The following GATM variants were observed in gnomAD, a reference collection of about 807,000 sequenced individuals.
GATM encodes the protein glycine amidinotransferase, also known as glycine amidinotransferase, mitochondrial.
GATM carries 23 observed loss-of-function variants against 54.2 expected under a neutral mutation model. The observed-to-expected ratio is 0.42, with a 90% CI of 0.31 to 0.60. The LOEUF is 0.60. GATM is among the 20% of genes least tolerant of loss of function. The pLI, the probability that GATM is intolerant of heterozygous loss-of-function variation, is 0.14. For missense variants in GATM, 401 were observed against 544.9 expected (o/e 0.74, Z 2.63); for synonymous variants, 168 against 183.1 (o/e 0.92, Z 0.67).
At chr15:45,376,089 T>G (rs778738384) in intron 2 of GATM, among the ~76,000 whole-genome samples, 32 of 152,162 alleles carry the variant, frequency 2.1e-4, no homozygotes, top group Non-Finnish European at 4.3e-4. Context: ...TAAATAGGAA[T>G]GCCAATAATT....
upstream of GATM, among the ~76,000 whole-genome samples, chr15:45,382,507 C>T (rs1007441175): frequency 3.9e-5 from 6 of 152,166 alleles, no homozygotes; most frequent in African/African-American, 1.4e-4. Flanking sequence ...ACTAAAAATA[C>T]AAAAATTAGC....
At chr15:45,397,231 G>A (rs1393655886) in intron 2 of GATM, 2 of 151,966 alleles carry the variant, frequency 1.3e-5, no homozygotes, top group African/African-American at 4.8e-5. Context: ...CTGACATGGA[G>A]CTCTTAAATC....
intron 3 of GATM, chr15:45,396,075 C>G (rs1889925574): frequency 6.6e-6 from 1 of 152,154 alleles, no homozygotes; most frequent in Non-Finnish European, 1.5e-5. Context: ...GATAACTGCT[C>G]TAAGAGGTAC....
chr15:45,369,497 G>T lies in GATM; in HGVS notation c.313C>A (p.Pro105Thr), dbSNP rs920820508. The T allele has an allele frequency of 6.2e-7, 1 of 1,614,046 alleles. No individual in the cohort carries two copies. The highest frequency in any genetic ancestry group is 1.3e-5 in the African/African-American group (1 of 75,036). Residue 105 changes from proline to threonine, a missense_variant, in exon 3 of 9, where the codon CCA becomes ACA. Physicochemically the swap from Pro to Thr is conservative, Grantham distance 38 (BLOSUM62 -1). Around this residue, in one of 3 missense-constraint regions of GATM, gnomAD observed 321 missense variants for 457.5 expected, o/e 0.70. Coordinates refer to ENST00000396659, the MANE Select transcript of GATM (RefSeq NM_001482.3). ...TGCCCTCCTTGCTTCTGGTAAAATG[G>T]CCAGTACTTTTCATATGTGTTGGCC... ...VKANTYEKYW[P>T]FYQKQGGHYF... is the part of the protein sequence containing the mutation.
chr15:45,399,617 C>A, intron 1 of GATM: 1 of 154,118 alleles, frequency 6.5e-6, no homozygotes, highest in South Asian at 1.9e-4. Flanking sequence ...AAATTGCTGT[C>A]ATTTATAAGC....
chr15:45,400,219 A>G (rs1393221983), intron 1 of GATM, among the ~76,000 whole-genome samples: 1 of 152,222 alleles, frequency 6.6e-6, no homozygotes, highest in African/African-American at 2.4e-5. Context: ...AAGACTGTCT[A>G]AAAAATAAAT....
intron 1 of GATM, chr15:45,399,675 A>C (rs1889975031): frequency 6.6e-6 from 1 of 152,292 alleles, no homozygotes; most frequent in Admixed American, 6.5e-5. Flanking sequence ...AGACTAAGCC[A>C]GATAATATAT....
intron 3 of GATM, among the ~76,000 whole-genome samples, chr15:45,387,230 T>A (rs1476249525): frequency 6.6e-6 from 1 of 152,146 alleles, no homozygotes; most frequent in Non-Finnish European, 1.5e-5. Flanking sequence ...TTTCAGACAT[T>A]CCCAAGAGAA....
At chr15:45,379,799 T>G (rs1481592544), upstream of GATM, 1 of 151,822 alleles carries the variant, frequency 6.6e-6, no homozygotes, top group Non-Finnish European at 1.5e-5. Flanking sequence ...ACTATCCTGG[T>G]CAACATGATG....
chr15:45,402,190 G>A (rs1374428195), exon 1 of GATM: 6 of 544,148 alleles, frequency 1.1e-5, no homozygotes, highest in South Asian at 2.7e-5. Context: ...GACCATCTCG[G>A]GAAAGCTCTG....
rs185426456 is a variant in GATM at position 45,364,081 on chromosome 15, A to G, written c.1043-65T>C. The G allele has an allele frequency of 4.7e-4, 423 of 905,684 alleles. 6 individuals are homozygous for G. The highest frequency in any genetic ancestry group is 4.0e-3 in the African/African-American group (248 of 61,636). The allele number at this position is 905,684 out of a possible 1,614,324, so 56.1% of individuals were successfully genotyped here. On this transcript the variant is annotated intron_variant, in intron 7 of 8. Coordinates refer to ENST00000396659, the MANE Select transcript of GATM (RefSeq NM_001482.3). ...TTTTTGTTTAAAGCAAGGATTTACAAGTGAAGAATATTAAAGTGACAGCTC... is the reference window on the plus strand; with the variant it reads ...TTTTTGTTTAAAGCAAGGATTTACAGGTGAAGAATATTAAAGTGACAGCTC...
chr15:45,367,949 A>C, intron 4 of GATM, 121 bp downstream of exon 4: 3 of 750,564 alleles, frequency 4.0e-6, no homozygotes, highest in Non-Finnish European at 6.7e-6. Context: ...TTTAAAAATA[A>C]GATGATGTTT....
chr15:45,376,467 A>G, intron 2 of GATM, 134 bp downstream of exon 2: 2 of 787,092 alleles, frequency 2.5e-6, no homozygotes, highest in East Asian at 2.4e-5. Flanking sequence ...CAAATACCAC[A>G]GAGGTGTCAA....
In GATM at chr15:45,361,248, C is replaced by T. The variant is rs1419808945; in HGVS notation, c.*861G>A. On this transcript the variant is annotated 3_prime_UTR_variant, in exon 9 of 9. Coordinates refer to ENST00000396659, the MANE Select transcript of GATM (RefSeq NM_001482.3). The stretch of plus-strand genomic sequence containing the variant: ...TTTTTTAATGCTTATAAAGTCTATG[C>T]TCTAAATAATTTGCACATTTGTAAA... The T allele has an allele frequency of 6.6e-6, 1 of 151,972 alleles. No homozygotes were observed. The highest frequency in any genetic ancestry group is 1.5e-5 in the Non-Finnish European group (1 of 68,002). The allele number at this position is 151,972 out of a possible 1,614,324, so 9.4% of individuals were successfully genotyped here.
intron 4 of GATM, 147 bp from the exon 5 acceptor site, chr15:45,366,655 C>G: frequency 1.1e-6 from 1 of 870,938 alleles, no homozygotes. Context: ...GGGAAAGAAG[C>G]GGGTCCATGA....
intron 3 of GATM, among the ~76,000 whole-genome samples, chr15:45,389,154 T>C (rs184914113): frequency 9.8e-5 from 15 of 152,368 alleles, no homozygotes; most frequent in Middle Eastern, 3.4e-3. Flanking sequence ...TGAAGCTTTT[T>C]CCTTTAACAC....
chr15:45,364,286 G>T, intron 7 of GATM: 1 of 440,528 alleles, frequency 2.3e-6, no homozygotes, highest in Non-Finnish European at 4.1e-6. Context: ...GCTGAGGCAG[G>T]AGGATTCCTT....
chr15:45,392,126 C>T (rs138099895), intron 3 of GATM, among the ~76,000 whole-genome samples: 68 of 152,270 alleles, frequency 4.5e-4, no homozygotes, highest in African/African-American at 1.5e-3. Context: ...TGAATTAATA[C>T]ATGTAAAGCA....
chr15:45,372,179 G>T (rs1490518779), intron 2 of GATM, among the ~76,000 whole-genome samples: 1 of 152,178 alleles, frequency 6.6e-6, no homozygotes, highest in African/African-American at 2.4e-5. Flanking sequence ...ATTTGTTTAC[G>T]TATTGTCTAT....
Sources: gnomAD v4.1 joint callset for allele counts (sites outside exome capture counted in the v4.1 genomes callset) on GRCh38, gnomAD v4.1.1 for gene constraint, gnomAD v4.1.1 regional missense constraint, MANE v1.5 for transcripts, NCBI Gene and HGNC (gene_info 2026-07-23, HGNC 2026-07-21) for gene names.